CENPU: variants seen among roughly 807,000 people sequenced by gnomAD.
CENPU encodes the protein KSHV latent nuclear antigen interacting protein 1.
In CENPU, 46 loss-of-function variants were observed where a neutral mutation model predicts 56.7. The observed-to-expected ratio is 0.81, with a 90% CI of 0.64 to 1.04. CENPU has a LOEUF of 1.04. CENPU is among the 50% of genes least tolerant of loss of function. The pLI is 0.00. For missense variants in CENPU, 510 were observed against 490.1 expected (o/e 1.04, Z -0.38); for synonymous variants, 166 against 163.0 (o/e 1.02, Z -0.14).
intron 8 of CENPU, among the ~76,000 whole-genome samples, chr4:184,706,266 G>A (rs1485549272): frequency 6.6e-6 from 1 of 152,180 alleles, no homozygotes; most frequent in Non-Finnish European, 1.5e-5. Context: ...CTACTCTGGA[G>A]GCTGAGATGG....
chr4:184,716,294 A>T, intron 6 of CENPU, 103 bp downstream of exon 6: 1 of 745,070 alleles, frequency 1.3e-6, no homozygotes, highest in Non-Finnish European at 2.2e-6. Context: ...TATAAAATTT[A>T]TCTTTGAAAA....
chr4:184,714,510 A>C (rs769052574), intron 6 of CENPU, among the ~76,000 whole-genome samples: 7 of 152,234 alleles, frequency 4.6e-5, no homozygotes, highest in African/African-American at 1.4e-4. Context: ...ATTATACATA[A>C]TATTGTTATG....
intron 12 of CENPU, among the ~76,000 whole-genome samples, chr4:184,696,255 G>A (rs1760302608): frequency 6.6e-6 from 1 of 152,094 alleles, no homozygotes; most frequent in Non-Finnish European, 1.5e-5. Flanking sequence ...GGAATAAAGG[G>A]GAAGAAGTCA....
intron 12 of CENPU, among the ~76,000 whole-genome samples, chr4:184,697,118 G>C (rs576141179): frequency 1.5e-3 from 231 of 152,198 alleles, no homozygotes; most frequent in African/African-American, 5.2e-3. Flanking sequence ...CTGGGCTCAA[G>C]GGATCTACTT....
rs528345593 is a variant in CENPU at position 184,699,771 on chromosome 4, G to A, written c.986+1049C>T. Among the ~76,000 whole-genome samples, 6 of 151,772 alleles carry A rather than the reference G, an allele frequency of 4.0e-5. No homozygotes were observed. The South Asian group carries it at 8.3e-4, about 21-fold the overall frequency. ...CGCCTCCCAGGTTCAAGCGATTCTC[G>A]TGCCTCAACCTCCCGAGTAGCTTGG... On this transcript the variant is annotated intron_variant, in intron 11 of 12. Transcript: ENST00000281453.
Position 184,695,259 on chromosome 4 carries a change from T to A in CENPU, c.*29A>T. 1 of 1,441,770 alleles carries A rather than the reference T, an allele frequency of 6.9e-7. No individual in the cohort carries two copies. The highest frequency in any genetic ancestry group is 9.8e-7 in the Non-Finnish European group (1 of 1,023,482). 89.3% of individuals were successfully genotyped at this position (1,441,770 alleles called of 1,614,324 possible). On this transcript the variant is annotated 3_prime_UTR_variant, in exon 13 of 13. Transcript: ENST00000281453. ...GGTAACAGCATGAGACTAGTCTTCC[T>A]ATAGGCACATTTTAGTAGACTGCTC...
rs1235794618 is a variant in CENPU at position 184,695,513 on chromosome 4, CCTCCT to C, written c.1144-117_1144-113del. On this transcript the variant is annotated intron_variant, in intron 12 of 12. Transcript: ENST00000281453. ...TTGATTGAGCTTTCCATTAACTACT[CCTCCT>C]CTCATTTTTAACTAGGACCATTAAG... is the stretch of plus-strand genomic sequence containing the variant. 3.9e-5 allele frequency: 25 copies of C among 647,280 alleles called. No individual in the cohort carries two copies. In the East Asian group the frequency reaches 6.5e-4, roughly 17 times the overall value. 40.1% of individuals were successfully genotyped at this position (647,280 alleles called of 1,614,324 possible).
chr4:184,702,314 G>C, intron 9 of CENPU, 49 bp downstream of exon 9: 1 of 1,527,062 alleles, frequency 6.5e-7, no homozygotes, highest in East Asian at 2.3e-5. Flanking sequence ...GCTGCTACAG[G>C]ATTAGTGAAA....
intron 1 of CENPU, among the ~76,000 whole-genome samples, chr4:184,732,539 C>T (rs1579804108): frequency 6.6e-6 from 1 of 152,248 alleles, no homozygotes; most frequent in South Asian, 2.1e-4. Flanking sequence ...GGTCACATAG[C>T]CAGGTAACAG....
At chr4:184,730,149 A>G (rs1761588284) in intron 2 of CENPU, among the ~76,000 whole-genome samples, 1 of 152,142 alleles carries the variant, frequency 6.6e-6, no homozygotes, top group East Asian at 1.9e-4. Flanking sequence ...GCTTCCAGCT[A>G]AGGCTGGAGC....
chr4:184,720,716 AGAGAGTG>A (rs1761246492), intron 4 of CENPU, among the ~76,000 whole-genome samples: 1 of 152,234 alleles, frequency 6.6e-6, no homozygotes, highest in Non-Finnish European at 1.5e-5. Flanking sequence ...ACAGGCCAGG[AGAGAGTG>A]GCATGACATA....
rs779575377 is a variant in CENPU at position 184,728,936 on chromosome 4, C to T, written c.196G>A (p.Glu66Lys). 14 of 1,613,672 alleles carry T rather than the reference C, an allele frequency of 8.7e-6. No homozygotes were observed. Among genetic ancestry groups the T allele is most frequent in the East Asian group, 2.2e-5 (1 of 44,858 alleles). ...TACTAACCAAAGGTCTCATAAGTTT[C>T]TTCATCTTTCTCATTTTCACCCAGC... ...GRLGENEKDE[E>K]TYETFDPPLH... Residue 66 changes from glutamate to lysine, a missense_variant, in exon 3 of 13, where the codon GAA becomes AAA. Coordinates refer to ENST00000281453, the MANE Select transcript of CENPU (RefSeq NM_024629.4).
In CENPU at chr4:184,707,163, T is replaced by C. The variant is rs1047199952; in HGVS notation, c.797+2909A>G. On this transcript the variant is annotated intron_variant, in intron 8 of 12. Coordinates refer to ENST00000281453, the MANE Select transcript of CENPU (RefSeq NM_024629.4). ...TGAGTTGGCATGACAGGCTGGCTCC[T>C]TTCCCCAAGCTCACCCAGAACTACA... Among the ~76,000 whole-genome samples the C allele has an allele frequency of 5.3e-5, 8 of 151,250 alleles. No homozygotes were observed. The East Asian group carries it at 1.5e-3, about 29-fold the overall frequency.
intron 6 of CENPU, chr4:184,713,904 T>C (rs983036146): frequency 9.2e-5 from 14 of 152,186 alleles, no homozygotes; most frequent in African/African-American, 3.4e-4. Flanking sequence ...CAGGTGCCTG[T>C]GGGGGGTGTC....
At chr4:184,705,451 C>T (rs55674580) in intron 8 of CENPU, among the ~76,000 whole-genome samples, 5 of 152,014 alleles carry the variant, frequency 3.3e-5, no homozygotes, top group South Asian at 2.1e-4. Context: ...ATGAAGACAG[C>T]GGGGGCACGA....
chr4:184,727,396 CAG>C (rs1761494885), intron 3 of CENPU, among the ~76,000 whole-genome samples: 2 of 152,122 alleles, frequency 1.3e-5, no homozygotes, highest in South Asian at 4.1e-4. Context: ...TTATCTGCTA[CAG>C]AGTTAATACA....
intron 12 of CENPU, among the ~76,000 whole-genome samples, chr4:184,695,629 C>G (rs1411311783): frequency 1.3e-5 from 2 of 152,182 alleles, no homozygotes; most frequent in African/African-American, 4.8e-5. Context: ...AACTGATCTT[C>G]TTATCCCAGA....
chr4:184,732,173 CCTTTT>C (rs1394815166), intron 1 of CENPU, among the ~76,000 whole-genome samples: 1 of 151,948 alleles, frequency 6.6e-6, no homozygotes, highest in Non-Finnish European at 1.5e-5. Context: ...TGTTCACAAG[CCTTTT>C]GTTTTATGTG....
chr4:184,695,443 A>G (rs371993854), intron 12 of CENPU, 42 bp from the exon 13 acceptor site: 341 of 1,419,658 alleles, frequency 2.4e-4, no homozygotes, highest in Non-Finnish European at 3.3e-4. Flanking sequence ...TCAAAAACTC[A>G]TAACCTTGTC....
Sources: gnomAD v4.1 joint callset for allele counts (sites outside exome capture counted in the v4.1 genomes callset) on GRCh38, gnomAD v4.1.1 for gene constraint, MANE v1.5 for transcripts, NCBI Gene and HGNC (gene_info 2026-07-23, HGNC 2026-07-21) for gene names.